Variants in RTN4 observed in about 807,000 individuals in gnomAD.
RTN4 encodes the protein reticulon 4.
In RTN4, 32 loss-of-function variants were observed where a neutral mutation model predicts 90.4. That is an observed-to-expected ratio of 0.35 (90% CI 0.27 to 0.48). RTN4 has a LOEUF of 0.48. RTN4 is among the 20% of genes least tolerant of loss of function. RTN4 has a pLI of 0.99. For missense variants in RTN4, 1,706 were observed against 1,430.2 expected (o/e 1.19, Z -3.11); for synonymous variants, 629 against 552.5 (o/e 1.14, Z -1.94).
At chr2:55,104,996 G>A (rs868410229) in intron 1 of RTN4, among the ~76,000 whole-genome samples, 37 of 151,310 alleles carry the variant, frequency 2.4e-4, no homozygotes, top group Admixed American at 6.6e-4. Flanking sequence ...TTGTAGAGAT[G>A]AGGTTTTGCC....
intron 2 of RTN4, among the ~76,000 whole-genome samples, chr2:55,077,942 A>T (rs1668633133): frequency 1.3e-5 from 2 of 151,660 alleles, no homozygotes; most frequent in Non-Finnish European, 2.9e-5. Context: ...CTCACTCACA[A>T]GTGGGAGCTA....
chr2:55,073,123 C>T (rs958912886), intron 2 of RTN4, among the ~76,000 whole-genome samples: 1 of 152,154 alleles, frequency 6.6e-6, no homozygotes, highest in African/African-American at 2.4e-5. Flanking sequence ...TTTTACTGTA[C>T]CTACTATACA....
At chr2:55,021,253 GAAGA>G (rs1681408995) in intron 3 of RTN4, among the ~76,000 whole-genome samples, 1 of 151,918 alleles carries the variant, frequency 6.6e-6, no homozygotes, top group South Asian at 2.1e-4. Context: ...TCCCTTTCAC[GAAGA>G]TACACAGGTA....
At chr2:55,035,626 A>T (rs868218964) in intron 1 of RTN4, among the ~76,000 whole-genome samples, 3 of 135,930 alleles carry the variant, frequency 2.2e-5, no homozygotes, top group Middle Eastern at 3.5e-3. Flanking sequence ...AAAACAGATT[A>T]AAAAAAAAAA....
chr2:55,053,460 G>T (rs979395480), upstream of RTN4, among the ~76,000 whole-genome samples: 2 of 152,136 alleles, frequency 1.3e-5, no homozygotes, highest in Non-Finnish European at 2.9e-5. Context: ...GCTGAGGCGG[G>T]TAGATCTCTT....
intron 1 of RTN4, among the ~76,000 whole-genome samples, chr2:55,097,991 TC>T (rs1221300968): frequency 6.6e-6 from 1 of 152,004 alleles, no homozygotes; most frequent in Non-Finnish European, 1.5e-5. Context: ...TCTGTGCCCT[TC>T]CCCCAATCTC....
chr2:55,045,131 T>C (rs756585110), intron 1 of RTN4, among the ~76,000 whole-genome samples: 1 of 152,246 alleles, frequency 6.6e-6, no homozygotes, highest in African/African-American at 2.4e-5. Flanking sequence ...GGCTTCATGA[T>C]AGTAAAAACT....
chr2:55,106,278 A>C (rs1667941682), intron 1 of RTN4, among the ~76,000 whole-genome samples: 1 of 151,948 alleles, frequency 6.6e-6, no homozygotes, highest in Non-Finnish European at 1.5e-5. Context: ...CCCTACCCTG[A>C]ATTTCTTGCC....
At chr2:55,001,378 A>G (rs761328280) in intron 3 of RTN4, among the ~76,000 whole-genome samples, 1 of 152,246 alleles carries the variant, frequency 6.6e-6, no homozygotes, top group Non-Finnish European at 1.5e-5. Context: ...CTAGCTCTCT[A>G]GTAACCAACA....
At chr2:55,136,164 T>A in the RTN4 span, among the ~76,000 whole-genome samples, 1 of 152,122 alleles carries the variant, frequency 6.6e-6, no homozygotes, top group African/African-American at 2.4e-5. Flanking sequence ...AGAAGTTGGG[T>A]GAGTGGGCTC....
At chr2:54,999,758 G>A (rs1679720398) in intron 3 of RTN4, among the ~76,000 whole-genome samples, 1 of 152,076 alleles carries the variant, frequency 6.6e-6, no homozygotes, top group African/African-American at 2.4e-5. Context: ...GCCAGGAAAA[G>A]TAATTAGAAT....
Position 55,026,100 on chromosome 2 carries a change from G to A in RTN4, c.1999C>T (p.Leu667=), listed in dbSNP as rs1681843635. 2 of 1,611,796 alleles carry A rather than the reference G, an allele frequency of 1.2e-6. No homozygotes were observed. Among genetic ancestry groups the A allele is most frequent in the Admixed American group, 1.7e-5 (1 of 59,500 alleles). ...TCCTTTATTCCTGATACTTTTTTTA[G>A]TGATACACTCATGGCCTCTTCATAT... is the stretch of plus-strand genomic sequence containing the variant. ...PPYEEAMSVS[L]KKVSGIKEEI... Residue 667 remains leucine (L), a synonymous_variant, in exon 3 of 9, where the codon CTA becomes TTA. Coordinates refer to ENST00000337526, the MANE Select transcript of RTN4 (RefSeq NM_020532.5).
intron 1 of RTN4, among the ~76,000 whole-genome samples, chr2:55,041,918 G>A (rs1209452341): frequency 6.6e-6 from 1 of 151,744 alleles, no homozygotes; most frequent in African/African-American, 2.4e-5. Flanking sequence ...CATACCATAT[G>A]GTCAAAATAC....
intron 1 of RTN4, among the ~76,000 whole-genome samples, chr2:55,102,881 G>T (rs1277559961): frequency 6.6e-6 from 1 of 152,078 alleles, no homozygotes; most frequent in Non-Finnish European, 1.5e-5. Flanking sequence ...CACTTTGGGA[G>T]GCTGAGGCGG....
rs117501144 is a variant in RTN4, at chr2:55,067,312, C to A, written c.-63+13177G>T. On this transcript the variant is annotated intron_variant, in intron 2 of 3. Coordinates refer to the RTN4 transcript ENST00000427710. ...GCATGTAAAAACACTTTGGAAAGTACAAAGCACCATCGAAATGGAGTCATT... is the reference window on the plus strand; with the variant it reads ...GCATGTAAAAACACTTTGGAAAGTAAAAAGCACCATCGAAATGGAGTCATT... Among the ~76,000 whole-genome samples the A allele has an allele frequency of 3.3e-5, 5 of 151,618 alleles. No individual in the cohort carries two copies. In the East Asian group the frequency reaches 9.7e-4, roughly 29 times the overall value.
At chr2:55,134,174 C>T in the RTN4 span, among the ~76,000 whole-genome samples, 7 of 152,058 alleles carry the variant, frequency 4.6e-5, no homozygotes, top group Non-Finnish European at 1.0e-4. Context: ...TAGTGTATAA[C>T]GAGCAGAGAG....
chr2:55,048,977 C>T, intron 1 of RTN4: 1 of 400,548 alleles, frequency 2.5e-6, no homozygotes, highest in Non-Finnish European at 3.4e-6. Context: ...GAACTACGCC[C>T]CCTCGAACAC....
intron 5 of RTN4, among the ~76,000 whole-genome samples, chr2:54,978,428 C>T (rs1488231011): frequency 4.6e-5 from 4 of 87,504 alleles, no homozygotes; most frequent in African/African-American, 2.3e-4. Flanking sequence ...GAGACTCTAT[C>T]TCCAAAAAAA....
intron 2 of RTN4, among the ~76,000 whole-genome samples, chr2:55,078,170 C>T (rs58156158): frequency 0.03 from 4,490 of 152,002 alleles, 212 homozygotes; most frequent in African/African-American, 0.099. Context: ...CCCAAAAAAC[C>T]TATTGAAATA....
Sources: gnomAD v4.1 joint callset for allele counts (sites outside exome capture counted in the v4.1 genomes callset) on GRCh38, gnomAD v4.1.1 for gene constraint, MANE v1.5 for transcripts, NCBI Gene and HGNC (gene_info 2026-07-23, HGNC 2026-07-21) for gene names.